The following PHKB variants were observed in gnomAD, a reference collection of about 807,000 sequenced individuals.
The protein encoded by PHKB is phosphorylase b kinase regulatory subunit beta.
In PHKB, 122 loss-of-function variants were observed where a neutral mutation model predicts 152.1. The observed-to-expected ratio is 0.80, with a 90% CI of 0.69 to 0.93. The LOEUF is 0.93. Ranked by LOEUF, PHKB falls within the 40% of genes least tolerant of loss-of-function variation. The pLI is 0.00. For missense variants in PHKB, 1,304 were observed against 1,328.4 expected (o/e 0.98, Z 0.29); for synonymous variants, 436 against 464.9 (o/e 0.94, Z 0.80).
intron 8 of PHKB, among the ~76,000 whole-genome samples, chr16:47,582,977 A>C (rs1447047964): frequency 6.6e-6 from 1 of 152,032 alleles, no homozygotes; most frequent in African/African-American, 2.4e-5. Context: ...TTGGATTTTT[A>C]ATAGAGGTGG....
intron 14 of PHKB, among the ~76,000 whole-genome samples, chr16:47,614,077 G>A (rs1972474543): frequency 6.6e-6 from 1 of 152,200 alleles, no homozygotes; most frequent in Non-Finnish European, 1.5e-5. Context: ...TCCACAGGCT[G>A]TACAGGAAGC....
chr16:47,641,885 A>G (rs946983156), intron 16 of PHKB, among the ~76,000 whole-genome samples, 193 bp downstream of exon 16: 4 of 152,074 alleles, frequency 2.6e-5, no homozygotes, highest in Admixed American at 6.6e-5. Context: ...TGCACTGTGT[A>G]TATGTGTGTG....
chr16:47,575,850 G>A (rs1240335095), intron 7 of PHKB, among the ~76,000 whole-genome samples: 1 of 152,166 alleles, frequency 6.6e-6, no homozygotes, highest in Non-Finnish European at 1.5e-5. Context: ...GCCGAGACAG[G>A]CGGATCACCT....
intron 7 of PHKB, among the ~76,000 whole-genome samples, chr16:47,563,870 C>T (rs1204243069): frequency 6.6e-6 from 1 of 152,060 alleles, no homozygotes; most frequent in East Asian, 1.9e-4. Context: ...CCTTTGTGTA[C>T]CCTTCATTTA....
chr16:47,543,204 G>A (rs1438634758), intron 6 of PHKB, among the ~76,000 whole-genome samples: 1 of 152,124 alleles, frequency 6.6e-6, no homozygotes, highest in Non-Finnish European at 1.5e-5. Flanking sequence ...AGAGTTTTTA[G>A]CATGAAGGGC....
At chr16:47,583,651 C>T (rs905838028) in intron 8 of PHKB, among the ~76,000 whole-genome samples, 4 of 152,002 alleles carry the variant, frequency 2.6e-5, no homozygotes, top group African/African-American at 9.7e-5. Flanking sequence ...AATGAATGAT[C>T]GGAAGATTGA....
At chr16:47,482,827 T>G (rs1336261608) in intron 1 of PHKB, among the ~76,000 whole-genome samples, 1 of 151,652 alleles carries the variant, frequency 6.6e-6, no homozygotes, top group Non-Finnish European at 1.5e-5. Context: ...CTCAAGCGAT[T>G]CTCCCACCTC....
At chr16:47,676,018 C>T (rs938397953) in intron 26 of PHKB, 1 of 152,188 alleles carries the variant, frequency 6.6e-6, no homozygotes, top group Non-Finnish European at 1.5e-5. Flanking sequence ...ACTAAGGCCT[C>T]AACCCCTTTA....
chr16:47,651,750 C>T (rs141223034), intron 20 of PHKB, among the ~76,000 whole-genome samples: 122 of 152,260 alleles, frequency 8.0e-4, no homozygotes, highest in African/African-American at 2.6e-3. Flanking sequence ...GAAAGACCTA[C>T]GTAGTAGTAT....
At chr16:47,682,114 T>A (rs1224199979) in intron 26 of PHKB, among the ~76,000 whole-genome samples, 1 of 152,114 alleles carries the variant, frequency 6.6e-6, no homozygotes, top group Non-Finnish European at 1.5e-5. Context: ...TTGGCTTGTA[T>A]TCTGCCAAGA....
chr16:47,631,606 C>A (rs1008167177), intron 14 of PHKB, among the ~76,000 whole-genome samples: 33 of 152,154 alleles, frequency 2.2e-4, no homozygotes, highest in African/African-American at 7.0e-4. Context: ...TTAGGTATTT[C>A]TCCCAATGCT....
chr16:47,482,496 G>A (rs1324680917), intron 1 of PHKB, among the ~76,000 whole-genome samples: 1 of 152,032 alleles, frequency 6.6e-6, no homozygotes, highest in Non-Finnish European at 1.5e-5. Flanking sequence ...ATTTCTAATT[G>A]TAGTAGTAAC....
At chr16:47,598,870 C>T in intron 13 of PHKB, 1 of 1,604,904 alleles carries the variant, frequency 6.2e-7, no homozygotes, top group Non-Finnish European at 8.5e-7. Context: ...TGTATACTTT[C>T]TATATGCTGC....
intron 14 of PHKB, among the ~76,000 whole-genome samples, chr16:47,618,191 A>G (rs989840782): frequency 6.6e-6 from 1 of 152,172 alleles, no homozygotes; most frequent in Non-Finnish European, 1.5e-5. Flanking sequence ...TTATTCGTTA[A>G]TGCATTTTTA....
At chr16:47,631,355 C>T (rs1487296259) in intron 14 of PHKB, among the ~76,000 whole-genome samples, 3 of 152,184 alleles carry the variant, frequency 2.0e-5, no homozygotes, top group Non-Finnish European at 4.4e-5. Context: ...AATGGGAGTT[C>T]TTGTGAGAAT....
At chr16:47,584,500 A>G (rs1388540242) in intron 8 of PHKB, among the ~76,000 whole-genome samples, 1 of 152,190 alleles carries the variant, frequency 6.6e-6, no homozygotes, top group Non-Finnish European at 1.5e-5. Context: ...CAGTATGTGC[A>G]TGAGGACGAA....
At chr16:47,693,556 A>C (rs1303783702) in intron 28 of PHKB, 49 bp downstream of exon 28, 2 of 1,594,034 alleles carry the variant, frequency 1.3e-6, no homozygotes, top group Non-Finnish European at 1.7e-6. Flanking sequence ...CGCAAAGGGT[A>C]GTGAATCCTT....
chr16:47,494,340 A>C (rs987700267), intron 1 of PHKB, among the ~76,000 whole-genome samples: 1 of 152,258 alleles, frequency 6.6e-6, no homozygotes, highest in Non-Finnish European at 1.5e-5. Flanking sequence ...TAAAGGAAAG[A>C]GGCAGCTTCT....
chr16:47,531,945 CA>C (rs1306164378), intron 6 of PHKB, among the ~76,000 whole-genome samples: 3 of 151,966 alleles, frequency 2.0e-5, no homozygotes, highest in Non-Finnish European at 4.4e-5. Context: ...ATCTGCTCAT[CA>C]AAAAACAACA....
Sources: gnomAD v4.1 joint callset for allele counts (sites outside exome capture counted in the v4.1 genomes callset) on GRCh38, gnomAD v4.1.1 for gene constraint, MANE v1.5 for transcripts, NCBI Gene and HGNC (gene_info 2026-07-23, HGNC 2026-07-21) for gene names.